BRINP1: variants seen among roughly 807,000 people sequenced by gnomAD.
The protein encoded by BRINP1 is BMP/retinoic acid-inducible neural-specific protein 1.
A neutral mutation model predicts 72.9 loss-of-function variants in BRINP1; 17 were observed. That is an observed-to-expected ratio of 0.23 (90% CI 0.16 to 0.35). The LOEUF (loss-of-function observed/expected upper bound fraction) is 0.35, where lower values mean the gene tolerates loss of function less well. Ranked by LOEUF, BRINP1 falls within the 10% of genes least tolerant of loss-of-function variation. The pLI, the probability that BRINP1 is intolerant of heterozygous loss-of-function variation, is 1.00. For missense variants in BRINP1, 850 were observed against 1,001.6 expected (o/e 0.85, Z 2.04); for synonymous variants, 418 against 378.5 (o/e 1.10, Z -1.21).
chr9:119,258,989 G>A (rs551708239), intron 2 of BRINP1, among the ~76,000 whole-genome samples: 1 of 152,166 alleles, frequency 6.6e-6, no homozygotes, highest in Non-Finnish European at 1.5e-5. Flanking sequence ...CCATTCTGGT[G>A]TCCCCATGTG....
intron 1 of BRINP1, among the ~76,000 whole-genome samples, chr9:119,333,755 G>C (rs1831323195): frequency 2.0e-5 from 3 of 152,236 alleles, no homozygotes; most frequent in South Asian, 4.1e-4. Flanking sequence ...CATAAGAAAG[G>C]AAGCTTGCAG....
intron 5 of BRINP1, among the ~76,000 whole-genome samples, chr9:119,228,351 G>A (rs564522090): frequency 1.3e-5 from 2 of 151,850 alleles, no homozygotes; most frequent in African/African-American, 4.8e-5. Context: ...CTATGCCCAT[G>A]GCACTACATT....
At chr9:119,225,288 A>T (rs985832334) in intron 5 of BRINP1, among the ~76,000 whole-genome samples, 2 of 152,006 alleles carry the variant, frequency 1.3e-5, no homozygotes, top group African/African-American at 2.4e-5. Flanking sequence ...ACAAAATACC[A>T]CATATTGTAT....
rs1229817989 is a variant in BRINP1, at chr9:119,250,081, AAAGG to A, written c.219-935_219-932del. Among the ~76,000 whole-genome samples the A allele has an allele frequency of 3.9e-4, 29 of 74,628 alleles. 2 individuals carry two copies. The highest frequency in any genetic ancestry group is 2.5e-3 in the East Asian group (7 of 2,806). The allele number at this position is 74,628 out of a possible 152,430, so 49.0% of individuals were successfully genotyped here. Reference sequence around the variant, plus strand: ...GGGAGGGAAGAAGGAAGGAAGGAAGAAAGGAAGGAAGGAAGGAAGAAAAGGAAGG... The same window carrying A: ...GGGAGGGAAGAAGGAAGGAAGGAAGAAAGGAAGGAAGGAAGAAAAGGAAGG... On this transcript the variant is annotated intron_variant, in intron 2 of 7. Coordinates refer to ENST00000265922, the MANE Select transcript of BRINP1 (RefSeq NM_014618.3).
Position 119,283,271 on chromosome 9 carries a change from T to C in BRINP1, c.218+29867A>G, listed in dbSNP as rs1315070578. ...TGCCTCAGCATCACCTGGCAGCTTGTTAGAAATGCAAAATCTCCAGCCCTG... is the reference window on the plus strand; with the variant it reads ...TGCCTCAGCATCACCTGGCAGCTTGCTAGAAATGCAAAATCTCCAGCCCTG... On this transcript the variant is annotated intron_variant, in intron 2 of 7. Transcript: ENST00000265922. 4 of 708,948 alleles carry C rather than the reference T, an allele frequency of 5.6e-6. No individual in the cohort carries two copies. In the African/African-American group the frequency reaches 7.5e-5, roughly 13 times the overall value. 43.9% of individuals were successfully genotyped at this position (708,948 alleles called of 1,614,324 possible). A position where few individuals can be genotyped will look rare whatever the true frequency, so the allele number is the denominator to read the frequency against.
chr9:119,318,511 G>C (rs1831149030), intron 1 of BRINP1, among the ~76,000 whole-genome samples: 1 of 152,104 alleles, frequency 6.6e-6, no homozygotes, highest in Non-Finnish European at 1.5e-5. Context: ...GGCAAAAGCT[G>C]TGGCCTGAGG....
intron 1 of BRINP1, among the ~76,000 whole-genome samples, chr9:119,355,179 C>G (rs1041332053): frequency 7.9e-5 from 12 of 152,168 alleles, no homozygotes. Flanking sequence ...AAATTCACTA[C>G]AACCCGTCAC....
At chr9:119,218,602 A>G (rs145098051) in intron 5 of BRINP1, among the ~76,000 whole-genome samples, 254 of 152,138 alleles carry the variant, frequency 1.7e-3, no homozygotes, top group Non-Finnish European at 2.8e-3. Context: ...AAGTCTCACA[A>G]CTAAGGTAAC....
At chr9:119,355,626 A>G (rs184467379) in intron 1 of BRINP1, among the ~76,000 whole-genome samples, 11 of 151,676 alleles carry the variant, frequency 7.3e-5, no homozygotes, top group South Asian at 6.3e-4. Flanking sequence ...CTACTCGGGA[A>G]GCTGAGGCAG....
chr9:119,277,298 G>A (rs680003), intron 2 of BRINP1, among the ~76,000 whole-genome samples: 82,532 of 152,002 alleles, frequency 0.54, 23,219 homozygotes, highest in African/African-American at 0.67. Flanking sequence ...CCAATGCATT[G>A]GCTTTGAAAT....
chr9:119,240,612 A>T (rs73532262), intron 4 of BRINP1, among the ~76,000 whole-genome samples: 4,343 of 152,294 alleles, frequency 0.029, 193 homozygotes, highest in African/African-American at 0.092. Flanking sequence ...CTTCATAAAG[A>T]TCCATCTCTC....
chr9:119,169,929 T>A (rs964792396), intron 7 of BRINP1, among the ~76,000 whole-genome samples: 1 of 151,808 alleles, frequency 6.6e-6, no homozygotes, highest in African/African-American at 2.4e-5. Context: ...TCCTATCTGT[T>A]AGAAGGAAAA....
chr9:119,287,327 T>G (rs1343875203), intron 2 of BRINP1, among the ~76,000 whole-genome samples: 4 of 152,240 alleles, frequency 2.6e-5, no homozygotes, highest in Non-Finnish European at 5.9e-5. Context: ...TTTTTAACTT[T>G]TATTTCACAT....
At chr9:119,359,880 G>C (rs550327898) in intron 1 of BRINP1, among the ~76,000 whole-genome samples, 25 of 152,236 alleles carry the variant, frequency 1.6e-4, no homozygotes, top group African/African-American at 5.8e-4. Context: ...TCCACTCCAA[G>C]AACGGCTTTA....
chr9:119,290,984 A>G lies in BRINP1; in HGVS notation c.218+22154T>C, dbSNP rs901201039. 2.0e-5 allele frequency among the ~76,000 whole-genome samples: 3 copies of G among 152,122 alleles called. No homozygotes were observed. In the East Asian group the frequency reaches 5.8e-4, roughly 30 times the overall value. ...CCAAAAATACAAAAATTAGCTGGGC[A>G]TGGTGGCAGGCACCTGTAATCCCAG... On this transcript the variant is annotated intron_variant, in intron 2 of 7. Coordinates refer to ENST00000265922, the MANE Select transcript of BRINP1 (RefSeq NM_014618.3).
At chr9:119,273,233 T>C (rs539329907) in intron 2 of BRINP1, among the ~76,000 whole-genome samples, 1 of 152,324 alleles carries the variant, frequency 6.6e-6, no homozygotes, top group East Asian at 1.9e-4. Flanking sequence ...GGCAAGCTGT[T>C]TCACCTCCCT....
intron 6 of BRINP1, among the ~76,000 whole-genome samples, chr9:119,211,150 G>C (rs896536424): frequency 6.6e-6 from 1 of 151,314 alleles, no homozygotes; most frequent in Non-Finnish European, 1.5e-5. Context: ...GAATTTAAGA[G>C]TTAAATACAT....
At position 119,167,041 on chromosome 9, in the gene BRINP1, G is replaced by T; in HGVS notation, c.*43C>A. On this transcript the variant is annotated 3_prime_UTR_variant, in exon 8 of 8. Transcript: ENST00000265922. The surrounding 1 kb of genome is among the most constrained non-coding windows in gnomAD (Gnocchi z 4.3). ...GTTTTGCTTCATTTTGTTCTGTTGT[G>T]TGTGTACAACAACAGGAAAAGTCCA... is the stretch of plus-strand genomic sequence containing the variant. 1 of 1,523,244 alleles carries T rather than the reference G, an allele frequency of 6.6e-7. No individual in the cohort carries two copies. The highest frequency in any genetic ancestry group is 8.9e-7 in the Non-Finnish European group (1 of 1,127,174). The allele number at this position is 1,523,244 out of a possible 1,614,324, so 94.4% of individuals were successfully genotyped here.
chr9:119,358,610 C>G (rs1488429533), intron 1 of BRINP1, among the ~76,000 whole-genome samples: 1 of 152,172 alleles, frequency 6.6e-6, no homozygotes, highest in Non-Finnish European at 1.5e-5. Flanking sequence ...AGGAGAATCA[C>G]TTGAATCCGG....
Sources: allele counts gnomAD v4.1 joint callset (sites outside exome capture counted in the v4.1 genomes callset), GRCh38; gene constraint gnomAD v4.1.1; non-coding constraint Gnocchi (gnomAD v3.1); transcripts MANE v1.5; gene names NCBI Gene and HGNC (gene_info 2026-07-23, HGNC 2026-07-21).